Variants in SLC17A3 observed in about 807,000 individuals in gnomAD.
SLC17A3 encodes the protein sodium-dependent phosphate transport protein 4.
In SLC17A3, 61 loss-of-function variants were observed where a neutral mutation model predicts 60.3. That is an observed-to-expected ratio of 1.01 (90% CI 0.82 to 1.25). The LOEUF is 1.25. Ranked by LOEUF, SLC17A3 falls within the 50% of genes most tolerant of loss-of-function variation. The pLI is 0.00. For synonymous variants in SLC17A3, 192 were observed against 208.9 expected (o/e 0.92, Z 0.70); for missense variants, 624 against 594.9 (o/e 1.05, Z -0.51).
chr6:25,855,450 C>G (rs1435130130), intron 5 of SLC17A3, among the ~76,000 whole-genome samples: 1 of 152,178 alleles, frequency 6.6e-6, no homozygotes, highest in Non-Finnish European at 1.5e-5. Context: ...TAGCAGATGA[C>G]TGTCATACTT....
At chr6:25,863,405 T>C (rs1030552660) in intron 2 of SLC17A3, among the ~76,000 whole-genome samples, 1 of 152,010 alleles carries the variant, frequency 6.6e-6, no homozygotes, top group African/African-American at 2.4e-5. Flanking sequence ...AAATATAAAA[T>C]GTATGAGCCA....
At chr6:25,870,197 G>C (rs1255215250) in intron 1 of SLC17A3, among the ~76,000 whole-genome samples, 1 of 151,852 alleles carries the variant, frequency 6.6e-6, no homozygotes, top group Non-Finnish European at 1.5e-5. Flanking sequence ...TCTTGGCATT[G>C]GGCATTCTAA....
At chr6:25,847,156 A>T (rs772913994) in intron 11 of SLC17A3, among the ~76,000 whole-genome samples, 8 of 151,870 alleles carry the variant, frequency 5.3e-5, no homozygotes, top group Admixed American at 1.3e-4. Flanking sequence ...TCTTCTACTT[A>T]TAAGTGAGAA....
chr6:25,852,473 T>C (rs1765294279), intron 6 of SLC17A3, among the ~76,000 whole-genome samples: 1 of 152,164 alleles, frequency 6.6e-6, no homozygotes, highest in South Asian at 2.1e-4. Flanking sequence ...TTTTCTGTTT[T>C]GGGCACTCCA....
intron 2 of SLC17A3, among the ~76,000 whole-genome samples, chr6:25,864,153 A>G (rs758100586): frequency 7.9e-5 from 12 of 151,938 alleles, no homozygotes; most frequent in Non-Finnish European, 1.5e-4. Context: ...TGTTCAAAGA[A>G]TCAAAAAGAG....
intron 1 of SLC17A3, among the ~76,000 whole-genome samples, chr6:25,873,933 C>T (rs745819266): frequency 1.3e-5 from 2 of 152,106 alleles, no homozygotes; most frequent in Non-Finnish European, 2.9e-5. Context: ...TCCATAGCTG[C>T]TACTGTCTCC....
intron 11 of SLC17A3, among the ~76,000 whole-genome samples, chr6:25,847,388 T>C (rs1214597212): frequency 6.6e-6 from 1 of 152,210 alleles, no homozygotes; most frequent in East Asian, 1.9e-4. Context: ...TTCATGTGTC[T>C]TTATGGTAGA....
At chr6:25,853,710 AC>A (rs1765317465) in intron 6 of SLC17A3, among the ~76,000 whole-genome samples, 1 of 151,604 alleles carries the variant, frequency 6.6e-6, no homozygotes, top group South Asian at 2.1e-4. Context: ...GAGCCACCGC[AC>A]CCGGCCTTCT....
In SLC17A3 at chr6:25,861,625, T is replaced by C; in HGVS notation, c.624A>G (p.Ser208=). 6.2e-7 allele frequency: 1 copy of C among 1,613,590 alleles called. No individual in the cohort carries two copies. ...ERSRLCSIAL[S]GMLLGCFTAI... ...CCCATTTGGATTACATGTCCTTACC[T>C]GATAAAGCAATGCTGCAGAGTCTGC... Residue 208 remains serine, a splice_region_variant and synonymous_variant, in exon 5 of 13, where the codon TCA becomes TCG. Coordinates refer to ENST00000397060, the MANE Select transcript of SLC17A3 (RefSeq NM_001098486.2).
chr6:25,869,338 T>C (rs1313587053), intron 1 of SLC17A3, among the ~76,000 whole-genome samples: 4 of 152,008 alleles, frequency 2.6e-5, no homozygotes, highest in Non-Finnish European at 5.9e-5. Context: ...CTTCTACCAG[T>C]AATAAACCAA....
chr6:25,859,754 G>T (rs1285063537), intron 5 of SLC17A3, among the ~76,000 whole-genome samples: 3 of 152,198 alleles, frequency 2.0e-5, no homozygotes, highest in Non-Finnish European at 1.5e-5. Context: ...GCAGCAGAAA[G>T]ACAGAGAAAG....
chr6:25,868,187 G>T, intron 2 of SLC17A3, 110 bp downstream of exon 2: 2 of 817,920 alleles, frequency 2.4e-6, no homozygotes, highest in Non-Finnish European at 4.1e-6. Flanking sequence ...CACTGGATTT[G>T]TAAAAAGAAT....
At position 25,868,347 on chromosome 6, in the gene SLC17A3, C is replaced by G. The variant is rs941646429; in HGVS notation, c.41G>C (p.Ser14Thr). The G allele has an allele frequency of 2.5e-6, 4 of 1,612,034 alleles. No individual in the cohort carries two copies. The African/African-American group carries it at 4.0e-5, about 16-fold the overall frequency. The change falls in exon 2 of 13, where the codon AGC becomes ACC. Residue 14 changes from serine (S) to threonine (T), a missense_variant. Coordinates refer to ENST00000397060, the MANE Select transcript of SLC17A3 (RefSeq NM_001098486.2). The part of the protein sequence containing the change: ...KTELSPTARE[S>T]KNAQDMQVDE... ...CACTTGCATATCTTGTGCGTTCTTG[C>G]TCTCCCTTGCTGTGGGACTCAACTC...
chr6:25,871,646 T>A (rs1010909432), intron 1 of SLC17A3, among the ~76,000 whole-genome samples: 19 of 151,372 alleles, frequency 1.3e-4, no homozygotes, highest in Middle Eastern at 3.4e-3. Flanking sequence ...ATAAAAAAAT[T>A]AAAAAATAAA....
chr6:25,865,153 C>T (rs964492816), intron 2 of SLC17A3, among the ~76,000 whole-genome samples: 1 of 151,988 alleles, frequency 6.6e-6, no homozygotes, highest in South Asian at 2.1e-4. Flanking sequence ...CACAATGTAG[C>T]TCATGTGTCT....
chr6:25,867,765 A>G (rs1765560583), intron 2 of SLC17A3, among the ~76,000 whole-genome samples: 1 of 151,946 alleles, frequency 6.6e-6, no homozygotes, highest in South Asian at 2.1e-4. Flanking sequence ...TCACAAAGAT[A>G]TTCACACTTT....
intron 2 of SLC17A3, among the ~76,000 whole-genome samples, chr6:25,863,012 T>C (rs1765477496): frequency 6.6e-6 from 1 of 151,918 alleles, no homozygotes; most frequent in Non-Finnish European, 1.5e-5. Context: ...AAGAGAGTTG[T>C]CCATTGGTAT....
intron 5 of SLC17A3, among the ~76,000 whole-genome samples, chr6:25,856,202 A>T (rs184120177): frequency 6.6e-6 from 1 of 152,256 alleles, no homozygotes; most frequent in Non-Finnish European, 1.5e-5. Flanking sequence ...ACAGCATTTA[A>T]TATCCTCAAA....
intron 6 of SLC17A3, among the ~76,000 whole-genome samples, chr6:25,851,760 T>C (rs1765281374): frequency 6.6e-6 from 1 of 152,166 alleles, no homozygotes; most frequent in African/African-American, 2.4e-5. Flanking sequence ...TATTTGCCAA[T>C]GTTTATGTCA....
Sources: allele counts gnomAD v4.1 joint callset (sites outside exome capture counted in the v4.1 genomes callset), GRCh38; gene constraint gnomAD v4.1.1; transcripts MANE v1.5; gene names NCBI Gene and HGNC (gene_info 2026-07-23, HGNC 2026-07-21).